The following SPRY3 variants were observed in gnomAD, a reference collection of about 807,000 sequenced individuals.
SPRY3 encodes sprouty RTK signaling antagonist 3, also known as protein sprouty homolog 3.
In SPRY3, 15 loss-of-function variants were observed where a neutral mutation model predicts 20.2. The observed-to-expected ratio is 0.74, with a 90% CI of 0.50 to 1.14. SPRY3 has a LOEUF of 1.14. SPRY3 is among the 50% of genes most tolerant of loss of function. The pLI, the probability that SPRY3 is intolerant of heterozygous loss-of-function variation, is 0.00. For synonymous variants in SPRY3, 143 were observed against 136.5 expected, an observed-to-expected ratio of 1.05 and a Z score of -0.33; for missense variants, 364 against 363.9, an observed-to-expected ratio of 1.00 and a Z score of 0.00.
At chrX:155,702,299 G>T (rs2090919044) in intron 2 of SPRY3, among the ~76,000 whole-genome samples, 1 of 2,280 alleles carries the variant, frequency 4.4e-4, no homozygotes, top group Non-Finnish European at 8.7e-4. Context: ...TTGAGCAGTG[G>T]TTTGTAGTTC....
chrX:155,760,924 T>G (rs1321699845), intron 2 of SPRY3, among the ~76,000 whole-genome samples: 1 of 152,152 alleles, frequency 6.6e-6, no homozygotes, highest in Non-Finnish European at 1.5e-5. Flanking sequence ...CATGATTTGG[T>G]CCAAAATGTC....
intron 2 of SPRY3, among the ~76,000 whole-genome samples, chrX:155,766,084 C>G (rs2124596856): frequency 6.6e-6 from 1 of 152,194 alleles, no homozygotes; most frequent in Non-Finnish European, 1.5e-5. Flanking sequence ...ACTAGAAATT[C>G]CAAATGGGAA....
At chrX:155,703,911 A>G (rs1386301257) in intron 2 of SPRY3, among the ~76,000 whole-genome samples, 5 of 151,936 alleles carry the variant, frequency 3.3e-5, no homozygotes, top group Non-Finnish European at 7.4e-5. Flanking sequence ...CTCTATAAAA[A>G]TTTGAAGCCT....
At chrX:155,627,826 C>T (rs1382194097) in intron 1 of SPRY3, among the ~76,000 whole-genome samples, 10 of 107,867 alleles carry the variant, frequency 9.3e-5, no homozygotes, top group Non-Finnish European at 1.5e-4. Context: ...CACCCCCCAA[C>T]AGGCCCGTTA....
At chrX:155,625,912 A>T (rs1163428664) in intron 1 of SPRY3, among the ~76,000 whole-genome samples, 1 of 102,215 alleles carries the variant, frequency 9.8e-6, no homozygotes, top group East Asian at 3.1e-4. Context: ...ATGGCTGAAG[A>T]GTATTTCATT....
chrX:155,718,840 A>G (rs901151839), intron 2 of SPRY3, among the ~76,000 whole-genome samples: 4 of 152,188 alleles, frequency 2.6e-5, no homozygotes, highest in Non-Finnish European at 2.9e-5. Flanking sequence ...ATAGGAAAAT[A>G]TTGACAGATA....
At chrX:155,768,752 C>T (rs1248940010) in intron 3 of SPRY3, among the ~76,000 whole-genome samples, 2 of 152,184 alleles carry the variant, frequency 1.3e-5, no homozygotes, top group Non-Finnish European at 2.9e-5. Context: ...GAGATTCTGT[C>T]AAAAGTGAGA....
intron 2 of SPRY3, among the ~76,000 whole-genome samples, chrX:155,743,061 G>A (rs1251463716): frequency 6.6e-6 from 1 of 151,942 alleles, no homozygotes; most frequent in Non-Finnish European, 1.5e-5. Context: ...TAATAAAATA[G>A]ACTGCTAGCT....
chrX:155,625,729 G>A (rs2067886057), intron 1 of SPRY3, among the ~76,000 whole-genome samples: 1 of 111,016 alleles, frequency 9.0e-6, no homozygotes, highest in African/African-American at 3.3e-5. Context: ...GCATCCCTTA[G>A]CCATGACACC....
chrX:155,731,254 A>C (rs756563721), intron 2 of SPRY3, among the ~76,000 whole-genome samples: 3 of 152,240 alleles, frequency 2.0e-5, no homozygotes, highest in African/African-American at 7.2e-5. Context: ...ACCTGATTTC[A>C]AATTATACTA....
At chrX:155,760,874 A>G (rs2091301368) in intron 2 of SPRY3, among the ~76,000 whole-genome samples, 1 of 152,108 alleles carries the variant, frequency 6.6e-6, no homozygotes, top group African/African-American at 2.4e-5. Flanking sequence ...CTACCGGTCC[A>G]TGGTCTGCGG....
chrX:155,765,503 C>A (rs1730301514), intron 2 of SPRY3, among the ~76,000 whole-genome samples: 1 of 152,154 alleles, frequency 6.6e-6, no homozygotes, highest in Non-Finnish European at 1.5e-5. Context: ...AAACATGTCA[C>A]CCTGCCCACT....
At chrX:155,680,663 T>G (rs2068071877) in intron 2 of SPRY3, among the ~76,000 whole-genome samples, 1 of 111,744 alleles carries the variant, frequency 8.9e-6, no homozygotes, top group Admixed American at 9.5e-5. Context: ...ATACTTAATT[T>G]TATTGTGCTT....
intron 2 of SPRY3, among the ~76,000 whole-genome samples, chrX:155,706,237 A>G (rs1210668310): frequency 6.6e-6 from 1 of 151,196 alleles, no homozygotes; most frequent in Non-Finnish European, 1.5e-5. Context: ...CTTTTTTGTA[A>G]ATTGAACAAC....
At chrX:155,774,193 T>G in exon 4 of SPRY3, 2 of 1,613,950 alleles carry the variant, frequency 1.2e-6, no homozygotes, top group Non-Finnish European at 1.7e-6. Context: ...ACCCTCACCT[T>G]CAGGCCAATC....
chrX:155,624,927 C>G (rs188786327), intron 1 of SPRY3, among the ~76,000 whole-genome samples: 132 of 111,322 alleles, frequency 1.2e-3, no homozygotes, highest in African/African-American at 4.2e-3. Flanking sequence ...AAGTTACATT[C>G]TAGTACAAAC....
chrX:155,748,271 A>G (rs2091238864), intron 2 of SPRY3, among the ~76,000 whole-genome samples: 2 of 151,934 alleles, frequency 1.3e-5, no homozygotes, highest in Non-Finnish European at 1.5e-5. Flanking sequence ...AACAATTGCC[A>G]TTTATAAACC....
At chrX:155,708,524 G>A (rs1299388226) in intron 2 of SPRY3, among the ~76,000 whole-genome samples, 2 of 151,328 alleles carry the variant, frequency 1.3e-5, no homozygotes, top group Admixed American at 6.6e-5. Context: ...CATTTGCTGA[G>A]CTTCTTTGAC....
chrX:155,693,912 C>G (rs2068110905), intron 2 of SPRY3, among the ~76,000 whole-genome samples: 1 of 112,109 alleles, frequency 8.9e-6, no homozygotes, highest in Non-Finnish European at 1.9e-5. Context: ...AAGTGATCCT[C>G]TGGCCTCAGC....
Sources: gnomAD v4.1 joint callset for allele counts (sites outside exome capture counted in the v4.1 genomes callset) on GRCh38, gnomAD v4.1.1 for gene constraint, MANE v1.5 for transcripts, NCBI Gene and HGNC (gene_info 2026-07-23, HGNC 2026-07-21) for gene names.